Variants in RBFOX1 observed in about 807,000 individuals in gnomAD.
RBFOX1 encodes the protein RNA binding protein fox-1 homolog 1.
Under a neutral mutation model 57.7 loss-of-function variants are expected in RBFOX1, and 8 were observed. That is an observed-to-expected ratio of 0.14 (90% CI 0.08 to 0.25). The LOEUF (loss-of-function observed/expected upper bound fraction) is 0.25, where lower values mean the gene tolerates loss of function less well. Among genes scored for constraint, RBFOX1 ranks in the 10% least tolerant of loss-of-function variants. RBFOX1 has a pLI of 1.00. For missense variants in RBFOX1, 611 were observed against 548.5 expected, an observed-to-expected ratio of 1.11 and a Z score of -1.14; for synonymous variants, 326 against 222.4, an observed-to-expected ratio of 1.47 and a Z score of -4.15.
At position 6,971,746 on chromosome 16, in the gene RBFOX1, C is replaced by G. The variant is rs552188275; in HGVS notation, c.-15-80311C>G. Among the ~76,000 whole-genome samples, 3 of 151,892 alleles carry G rather than the reference C, an allele frequency of 2.0e-5. No individual in the cohort carries two copies. The South Asian group carries it at 6.2e-4, about 32-fold the overall frequency. On this transcript the variant is annotated intron_variant, in intron 3 of 15. Coordinates refer to ENST00000550418, the MANE Select transcript of RBFOX1 (RefSeq NM_018723.4). Reference sequence around the variant, plus strand: ...GGGAGTGTGGACGGATTGGGGACATCGTGGAGATGTCACTTAAGTGGAGTG... The same window carrying G: ...GGGAGTGTGGACGGATTGGGGACATGGTGGAGATGTCACTTAAGTGGAGTG...
intron 4 of RBFOX1, among the ~76,000 whole-genome samples, chr16:7,290,941 C>T (rs1287704007): frequency 1.3e-5 from 2 of 152,210 alleles, no homozygotes; most frequent in Non-Finnish European, 2.9e-5. Context: ...ATCATCCTTG[C>T]CTCCATCTCA....
chr16:7,262,821 A>C (rs2094970741), intron 4 of RBFOX1, among the ~76,000 whole-genome samples: 1 of 152,232 alleles, frequency 6.6e-6, no homozygotes, highest in Middle Eastern at 3.2e-3. Flanking sequence ...TTAGTGCTGA[A>C]ATGTGGCTGA....
At chr16:7,233,824 C>G (rs7199748) in intron 4 of RBFOX1, among the ~76,000 whole-genome samples, 1 of 151,992 alleles carries the variant, frequency 6.6e-6, no homozygotes, top group Non-Finnish European at 1.5e-5. Context: ...TGGAGTCTTA[C>G]TAAGGGCAAA....
At chr16:7,581,407 G>C (rs148413533) in intron 6 of RBFOX1, among the ~76,000 whole-genome samples, 1 of 152,104 alleles carries the variant, frequency 6.6e-6, no homozygotes, top group African/African-American at 2.4e-5. Context: ...TCTCTTTGCC[G>C]TGTCAGGTTA....
intron 3 of RBFOX1, among the ~76,000 whole-genome samples, chr16:5,780,483 T>C (rs2054289942): frequency 6.6e-6 from 1 of 152,186 alleles, no homozygotes; most frequent in African/African-American, 2.4e-5. Flanking sequence ...AAAGATAAAA[T>C]CATAATATCA....
chr16:6,983,079 G>C (rs917902883), intron 3 of RBFOX1, among the ~76,000 whole-genome samples: 6 of 150,674 alleles, frequency 4.0e-5, no homozygotes, highest in Non-Finnish European at 7.4e-5. Context: ...CATTACTGGG[G>C]AGTGGCCATG....
At chr16:7,352,713 AATT>A (rs1160723331) in intron 4 of RBFOX1, among the ~76,000 whole-genome samples, 5 of 151,716 alleles carry the variant, frequency 3.3e-5, no homozygotes, top group Admixed American at 3.3e-4. Flanking sequence ...TTAATGAGCA[AATT>A]ATTATTATTA....
rs1023063327 is a variant in RBFOX1, at chr16:6,223,291, G to A, written c.-126-93704G>A. Among the ~76,000 whole-genome samples the A allele has an allele frequency of 3.3e-5, 5 of 150,728 alleles. No individual in the cohort carries two copies. The East Asian group carries it at 9.8e-4, about 29-fold the overall frequency. On this transcript the variant is annotated intron_variant, in intron 1 of 15. Transcript: ENST00000550418. ...GAATCGCCACACTGACTTCCACAAT[G>A]GTTGAACTAGTTTACAGTCCCAACA...
intron 4 of RBFOX1, among the ~76,000 whole-genome samples, chr16:7,204,845 G>C (rs1053422266): frequency 1.3e-5 from 2 of 151,912 alleles, no homozygotes; most frequent in Non-Finnish European, 2.9e-5. Context: ...ACAGTTTCTG[G>C]CATTCGCCAT....
At chr16:5,580,070 T>G (rs2029180) in intron 2 of RBFOX1, among the ~76,000 whole-genome samples, 4 of 152,110 alleles carry the variant, frequency 2.6e-5, no homozygotes, top group Admixed American at 1.3e-4. Context: ...TGCGCCCAGC[T>G]GGCAGTTAAT....
chr16:5,618,681 T>A (rs984846748), intron 3 of RBFOX1, among the ~76,000 whole-genome samples: 1 of 152,200 alleles, frequency 6.6e-6, no homozygotes, highest in Admixed American at 6.5e-5. Context: ...AAAAACTGTT[T>A]TAAAAGAAAG....
intron 3 of RBFOX1, among the ~76,000 whole-genome samples, chr16:5,848,733 G>A (rs1396191112): frequency 2.6e-5 from 4 of 152,094 alleles, no homozygotes; most frequent in African/African-American, 9.7e-5. Flanking sequence ...GATCACCTGA[G>A]GTCAGAAGTT....
chr16:7,111,326 C>T (rs933205425), intron 4 of RBFOX1, among the ~76,000 whole-genome samples: 3 of 152,156 alleles, frequency 2.0e-5, no homozygotes, highest in Admixed American at 2.0e-4. Context: ...CTATGGGAAC[C>T]CGACTTTGCA....
At chr16:7,092,903 G>T (rs1471370361) in intron 4 of RBFOX1, among the ~76,000 whole-genome samples, 1 of 152,076 alleles carries the variant, frequency 6.6e-6, no homozygotes, top group Non-Finnish European at 1.5e-5. Flanking sequence ...TGCACTGGAG[G>T]CCTAAGTGTC....
chr16:7,201,620 G>A (rs139536101), intron 4 of RBFOX1, among the ~76,000 whole-genome samples: 3 of 151,970 alleles, frequency 2.0e-5, no homozygotes, highest in Admixed American at 6.6e-5. Context: ...CCAACACCAC[G>A]CCTGGCTAAT....
chr16:6,865,933 T>G (rs2059834770), intron 3 of RBFOX1, among the ~76,000 whole-genome samples: 1 of 152,122 alleles, frequency 6.6e-6, no homozygotes, highest in Non-Finnish European at 1.5e-5. Flanking sequence ...GCCACCTCAT[T>G]TGGTTCTTGC....
intron 3 of RBFOX1, among the ~76,000 whole-genome samples, chr16:6,965,237 C>G (rs555071965): frequency 6.6e-6 from 1 of 152,044 alleles, no homozygotes; most frequent in Non-Finnish European, 1.5e-5. Context: ...TTGCTTTGCA[C>G]TCATTTGGGT....
intron 1 of RBFOX1, among the ~76,000 whole-genome samples, chr16:6,117,510 G>T (rs2096509433): frequency 6.6e-6 from 1 of 152,252 alleles, no homozygotes; most frequent in African/African-American, 2.4e-5. Flanking sequence ...GGCCAGAATG[G>T]CTCCTCCCTC....
chr16:5,262,213 A>G (rs2062752936), intron 1 of RBFOX1, among the ~76,000 whole-genome samples: 1 of 152,214 alleles, frequency 6.6e-6, no homozygotes, highest in Non-Finnish European at 1.5e-5. Context: ...AGAGAGTAGA[A>G]GCAAGACATG....
Sources: allele counts gnomAD v4.1 joint callset (sites outside exome capture counted in the v4.1 genomes callset), GRCh38; gene constraint gnomAD v4.1.1; transcripts MANE v1.5; gene names NCBI Gene and HGNC (gene_info 2026-07-23, HGNC 2026-07-21).